Variants in HMGCLL1 observed in about 807,000 individuals in gnomAD.
HMGCLL1 encodes 3-hydroxy-3-methylglutaryl-CoA lyase like 1.
In HMGCLL1, 36 loss-of-function variants were observed where a neutral mutation model predicts 39.1. The observed-to-expected ratio is 0.92, with a 90% CI of 0.71 to 1.22. The LOEUF is 1.22. Among genes scored for constraint, HMGCLL1 ranks in the 50% most tolerant of loss-of-function variants. The probability of loss-of-function intolerance (pLI) is 0.00; values close to 1 mark genes in which losing one functional copy is unlikely to be tolerated. For missense variants in HMGCLL1, 451 were observed against 416.5 expected, an observed-to-expected ratio of 1.08 and a Z score of -0.72; for synonymous variants, 149 against 144.0, an observed-to-expected ratio of 1.03 and a Z score of -0.25.
intron 7 of HMGCLL1, among the ~76,000 whole-genome samples, chr6:55,465,742 G>A (rs759847991): frequency 1.3e-5 from 2 of 151,876 alleles, no homozygotes; most frequent in African/African-American, 2.4e-5. Context: ...TTCTGACTAC[G>A]TTAATTCCCA....
At chr6:55,608,432 G>A in the HMGCLL1 span, among the ~76,000 whole-genome samples, 1 of 152,008 alleles carries the variant, frequency 6.6e-6, no homozygotes, top group South Asian at 2.1e-4. Context: ...ATGTTTCTCG[G>A]TTAGAGAATC....
At chr6:55,659,991 A>G in the HMGCLL1 span, among the ~76,000 whole-genome samples, 1 of 151,806 alleles carries the variant, frequency 6.6e-6, no homozygotes. Flanking sequence ...GTCCAATGAG[A>G]TAGAGGTGTC....
At chr6:55,468,772 G>T (rs1169120488) in intron 7 of HMGCLL1, among the ~76,000 whole-genome samples, 2 of 151,916 alleles carry the variant, frequency 1.3e-5, no homozygotes, top group African/African-American at 2.4e-5. Context: ...TAGAGGCAGT[G>T]CTTGTAACTA....
At chr6:55,464,558 A>T (rs889630089) in intron 7 of HMGCLL1, among the ~76,000 whole-genome samples, 5 of 151,804 alleles carry the variant, frequency 3.3e-5, no homozygotes, top group African/African-American at 1.2e-4. Flanking sequence ...ATTCAGTTTC[A>T]TTCAGATTAA....
intron 1 of HMGCLL1, among the ~76,000 whole-genome samples, chr6:55,553,098 G>A (rs951025630): frequency 2.6e-5 from 4 of 151,214 alleles, no homozygotes; most frequent in East Asian, 3.9e-4. Context: ...AGCCGAGATC[G>A]TGCCATTGCA....
At position 55,454,237 on chromosome 6, in the gene HMGCLL1, G is replaced by A. The variant is rs563147840; in HGVS notation, c.796-14678C>T. On this transcript the variant is annotated intron_variant, in intron 7 of 8. Coordinates refer to ENST00000274901, the MANE Select transcript of HMGCLL1 (RefSeq NM_001042406.2). ...ATTCCTAGGTCTCTAGAAAGAGCAC[G>A]AGGCTTCCCATATGCTGAGTACCAG... Among the ~76,000 whole-genome samples, 86 of 152,188 alleles carry A rather than the reference G, an allele frequency of 5.7e-4. 3 individuals carry two copies. The South Asian group carries it at 0.017, about 31-fold the overall frequency.
At chr6:55,666,380 C>T in the HMGCLL1 span, among the ~76,000 whole-genome samples, 1 of 151,686 alleles carries the variant, frequency 6.6e-6, no homozygotes. Flanking sequence ...TTTCAGAAAT[C>T]AGTTACTGTA....
the HMGCLL1 span, among the ~76,000 whole-genome samples, chr6:55,663,515 T>C: frequency 3.3e-5 from 5 of 151,806 alleles, no homozygotes; most frequent in South Asian, 1.0e-3. Flanking sequence ...CTTTTAGTAT[T>C]GATTTCTGTT....
intron 5 of HMGCLL1, among the ~76,000 whole-genome samples, chr6:55,500,947 C>T (rs1189443361): frequency 2.0e-5 from 3 of 151,816 alleles, no homozygotes; most frequent in Non-Finnish European, 4.4e-5. Flanking sequence ...ATGTGAAAAA[C>T]AAACATAAAT....
At chr6:55,623,236 C>T in the HMGCLL1 span, among the ~76,000 whole-genome samples, 14,308 of 151,888 alleles carry the variant, frequency 0.094, 776 homozygotes, top group East Asian at 0.17. Context: ...TTCTTCACTT[C>T]AATTTCATTT....
intron 7 of HMGCLL1, among the ~76,000 whole-genome samples, chr6:55,488,060 C>T (rs1482416585): frequency 2.6e-5 from 4 of 151,856 alleles, no homozygotes; most frequent in African/African-American, 4.8e-5. Flanking sequence ...AACATACACT[C>T]GTATATAAGG....
the HMGCLL1 span, among the ~76,000 whole-genome samples, chr6:55,616,557 G>A: frequency 1.3e-5 from 2 of 152,088 alleles, no homozygotes; most frequent in Non-Finnish European, 2.9e-5. Context: ...AAGTTGAGTT[G>A]TGATACGGCA....
rs771916858 is a variant in HMGCLL1 at position 55,499,260 on chromosome 6, ACTTC to A, written c.578_581del (p.Gly193ValfsTer7). ...CTTCTGTCACTTTTTGCGGTGTAAT[ACTTC>A]CTTCATATGGACAGCCCAGAGCACA... On this transcript the variant is annotated frameshift_variant, in exon 6 of 9. Transcript: ENST00000274901. LOFTEE classifies it high-confidence loss of function. The A allele has an allele frequency of 1.6e-5, 25 of 1,610,500 alleles. No homozygotes were observed. The African/African-American group carries it at 2.5e-4, about 16-fold the overall frequency.
chr6:55,450,216 A>C (rs553253876), intron 7 of HMGCLL1, among the ~76,000 whole-genome samples: 98 of 152,344 alleles, frequency 6.4e-4, no homozygotes, highest in African/African-American at 2.2e-3. Context: ...ATGGTTAAGG[A>C]AAATGACAGC....
intron 4 of HMGCLL1, among the ~76,000 whole-genome samples, chr6:55,514,466 TA>T (rs5876456): frequency 0.056 from 8,483 of 152,268 alleles, 278 homozygotes; most frequent in African/African-American, 0.08. Context: ...TTATGCCTTT[TA>T]AAAATTATGT....
At chr6:55,439,287 T>C (rs546020715) in intron 8 of HMGCLL1, 147 bp downstream of exon 8, 381 of 697,174 alleles carry the variant, frequency 5.5e-4, no homozygotes, top group Admixed American at 1.2e-3. Flanking sequence ...CAAAAGAATT[T>C]TTATTGCATT....
intron 5 of HMGCLL1, chr6:55,513,168 A>T (rs1242691335): frequency 6.6e-6 from 1 of 152,148 alleles, no homozygotes; most frequent in African/African-American, 2.4e-5. Flanking sequence ...CCATCCTAGG[A>T]ACCCCAAAAT....
At chr6:55,572,141 C>T (rs1039642106) in intron 1 of HMGCLL1, among the ~76,000 whole-genome samples, 3 of 151,870 alleles carry the variant, frequency 2.0e-5, no homozygotes, top group Non-Finnish European at 2.9e-5. Flanking sequence ...CTACAAGATA[C>T]TTCTAAGTAA....
At chr6:55,460,390 C>T (rs970780779) in intron 7 of HMGCLL1, among the ~76,000 whole-genome samples, 4 of 151,880 alleles carry the variant, frequency 2.6e-5, no homozygotes, top group Admixed American at 6.6e-5. Context: ...TTTCACATTA[C>T]TAGAGACAAA....
Sources: allele counts gnomAD v4.1 joint callset (sites outside exome capture counted in the v4.1 genomes callset), GRCh38; gene constraint gnomAD v4.1.1; transcripts MANE v1.5; gene names NCBI Gene and HGNC (gene_info 2026-07-23, HGNC 2026-07-21).